The following RAB22A variants were observed in gnomAD, a reference collection of about 807,000 sequenced individuals.
RAB22A encodes RAB22A, member RAS oncogene family, also known as ras-related protein Rab-22A.
Under a neutral mutation model 30.2 loss-of-function variants are expected in RAB22A, and 13 were observed. The observed-to-expected ratio is 0.43, with a 90% CI of 0.28 to 0.68. The LOEUF (loss-of-function observed/expected upper bound fraction) is 0.68. Ranked by LOEUF, RAB22A falls within the 30% of genes least tolerant of loss-of-function variation. The probability of loss-of-function intolerance (pLI) is 0.18; values close to 1 mark genes in which losing one functional copy is unlikely to be tolerated. For synonymous variants in RAB22A, 89 were observed against 87.2 expected (o/e 1.02, Z -0.11); for missense variants, 177 against 246.8 (o/e 0.72, Z 1.89).
rs1439086380 is a variant in RAB22A at position 58,362,922 on chromosome 20, T to C, written c.*3219T>C. 1 of 152,224 alleles carries C rather than the reference T, an allele frequency of 6.6e-6. No homozygotes were observed. Among genetic ancestry groups the C allele is most frequent in the Non-Finnish European group, 1.5e-5 (1 of 68,042 alleles). 9.4% of individuals were successfully genotyped at this position (152,224 alleles called of 1,614,324 possible). A position where few individuals can be genotyped will look rare whatever the true frequency, so the allele number is the denominator to read the frequency against. The stretch of plus-strand genomic sequence containing the variant: ...CTGGTGTCCTTCTTGAAGTTGTCAA[T>C]TCCTCTTATTCTTAAATATCTAAAG... On this transcript the variant is annotated 3_prime_UTR_variant, in exon 7 of 7. Coordinates refer to ENST00000244040, the MANE Select transcript of RAB22A (RefSeq NM_020673.3).
At chr20:58,329,056 C>CTTT (rs34919452) in intron 2 of RAB22A, among the ~76,000 whole-genome samples, 1,886 of 139,798 alleles carry the variant, frequency 0.013, 26 homozygotes, top group Non-Finnish European at 0.02. Context: ...TGCATATTCC[C>CTTT]TTTTTTTTTT....
At chr20:58,316,920 C>A (rs374106926) in intron 2 of RAB22A, among the ~76,000 whole-genome samples, 12 of 152,296 alleles carry the variant, frequency 7.9e-5, no homozygotes, top group African/African-American at 2.6e-4. Flanking sequence ...CTCCCCTCAG[C>A]CAGTGGTAAG....
intron 2 of RAB22A, among the ~76,000 whole-genome samples, chr20:58,316,640 G>A (rs956852224): frequency 1.3e-5 from 2 of 152,150 alleles, no homozygotes; most frequent in African/African-American, 2.4e-5. Flanking sequence ...CTCCCTGCAC[G>A]TGGGTGAGTC....
At position 58,318,415 on chromosome 20, in the gene RAB22A, A is replaced by G. The variant is rs73616260; in HGVS notation, c.116+7293A>G. ...TATCCCAAATACAAAATGCTCCAAA[A>G]TCTAAAACTTTTTGAGCAACAGTAT... On this transcript the variant is annotated intron_variant, in intron 2 of 6. Coordinates refer to ENST00000244040, the MANE Select transcript of RAB22A (RefSeq NM_020673.3). Among the ~76,000 whole-genome samples, 116 of 152,276 alleles carry G rather than the reference A, an allele frequency of 7.6e-4. 1 individual carries two copies. The East Asian group carries it at 0.021, about 28-fold the overall frequency.
intron 3 of RAB22A, among the ~76,000 whole-genome samples, chr20:58,350,920 A>G (rs1212927345): frequency 6.6e-6 from 1 of 152,254 alleles, no homozygotes; most frequent in Non-Finnish European, 1.5e-5. Flanking sequence ...AGTTTATAGC[A>G]TATATAGATT....
intron 2 of RAB22A, among the ~76,000 whole-genome samples, chr20:58,316,131 G>A (rs1458379826): frequency 6.6e-6 from 1 of 152,104 alleles, no homozygotes; most frequent in Non-Finnish European, 1.5e-5. Flanking sequence ...TCAGGTACAT[G>A]TTAGTGGCTC....
At chr20:58,346,734 G>A (rs909409453) in intron 3 of RAB22A, among the ~76,000 whole-genome samples, 1 of 152,222 alleles carries the variant, frequency 6.6e-6, no homozygotes, top group Non-Finnish European at 1.5e-5. Flanking sequence ...GTTCACTGCT[G>A]TACTCCCAGG....
At chr20:58,342,749 T>C (rs1986877111) in intron 2 of RAB22A, among the ~76,000 whole-genome samples, 1 of 151,908 alleles carries the variant, frequency 6.6e-6, no homozygotes, top group Admixed American at 6.6e-5. Flanking sequence ...CTGGCCAGAC[T>C]GGGATGCTTT....
intron 3 of RAB22A, among the ~76,000 whole-genome samples, chr20:58,346,770 C>G (rs1986957066): frequency 6.6e-6 from 1 of 152,236 alleles, no homozygotes; most frequent in Non-Finnish European, 1.5e-5. Flanking sequence ...TGACCTAGAG[C>G]TGATGTTCAG....
intron 2 of RAB22A, among the ~76,000 whole-genome samples, chr20:58,336,163 C>T (rs374743382): frequency 1.3e-5 from 2 of 152,072 alleles, no homozygotes; most frequent in Non-Finnish European, 2.9e-5. Flanking sequence ...GCGCCCACCA[C>T]GACGCCCAGC....
intron 3 of RAB22A, chr20:58,346,021 C>T (rs1986939212): frequency 6.6e-6 from 1 of 152,378 alleles, no homozygotes; most frequent in Admixed American, 6.5e-5. Flanking sequence ...GCTCTAGACC[C>T]ATATCTGGAG....
At chr20:58,343,483 G>A (rs905242094) in intron 2 of RAB22A, among the ~76,000 whole-genome samples, 20 of 152,038 alleles carry the variant, frequency 1.3e-4, no homozygotes, top group African/African-American at 4.8e-4. Flanking sequence ...CTTTTGATAA[G>A]GAGCTTAGAA....
intron 3 of RAB22A, among the ~76,000 whole-genome samples, chr20:58,347,512 C>A (rs570481661): frequency 6.6e-6 from 1 of 152,250 alleles, no homozygotes; most frequent in African/African-American, 2.4e-5. Flanking sequence ...TATGATAAGA[C>A]TATGAAAGTC....
rs151070565 is a variant in RAB22A at position 58,356,501 on chromosome 20, C to T, written c.487+2236C>T. Among the ~76,000 whole-genome samples, 460 of 152,278 alleles carry T rather than the reference C, an allele frequency of 3.0e-3. 1 individual carries two copies. Among genetic ancestry groups the T allele is most frequent in the African/African-American group, 0.01 (428 of 41,564 alleles). ...TAGTAAAACTGCGTGAGCACAGTGC[C>T]TGGCACACTGACTTTGTATTGAAGT... is the stretch of plus-strand genomic sequence containing the variant. On this transcript the variant is annotated intron_variant, in intron 6 of 6. Coordinates refer to ENST00000244040, the MANE Select transcript of RAB22A (RefSeq NM_020673.3).
intron 3 of RAB22A, among the ~76,000 whole-genome samples, chr20:58,351,898 A>C (rs558615542): frequency 6.6e-6 from 1 of 152,386 alleles, no homozygotes; most frequent in South Asian, 2.1e-4. Context: ...TAAAAGGCAA[A>C]GGTTGTCAAA....
In RAB22A at chr20:58,362,779, T is replaced by C. The variant is rs1987247820; in HGVS notation, c.*3076T>C. On this transcript the variant is annotated 3_prime_UTR_variant, in exon 7 of 7. Coordinates refer to ENST00000244040, the MANE Select transcript of RAB22A (RefSeq NM_020673.3). ...GTTCTTTTCAAAGTAACTTATTTTC[T>C]TGTGACCCGTTTATGATGTTGTTTG... The C allele has an allele frequency of 6.6e-6, 1 of 152,246 alleles. No individual in the cohort carries two copies. The highest frequency in any genetic ancestry group is 2.4e-5 in the African/African-American group (1 of 41,470). 9.4% of individuals were successfully genotyped at this position (152,246 alleles called of 1,614,324 possible).
intron 2 of RAB22A, among the ~76,000 whole-genome samples, chr20:58,313,255 CAGG>C (rs1986267254): frequency 6.6e-6 from 1 of 152,190 alleles, no homozygotes; most frequent in Non-Finnish European, 1.5e-5. Flanking sequence ...CTCTCTGCAC[CAGG>C]AGATTTGGCT....
At chr20:58,314,908 C>T (rs558419093) in intron 2 of RAB22A, among the ~76,000 whole-genome samples, 5 of 151,486 alleles carry the variant, frequency 3.3e-5, no homozygotes, top group South Asian at 2.1e-4. Context: ...TGGTGAGGGA[C>T]GGTGGGTAGA....
chr20:58,355,032 A>G (rs1218782893), intron 6 of RAB22A, among the ~76,000 whole-genome samples: 1 of 152,232 alleles, frequency 6.6e-6, no homozygotes, highest in African/African-American at 2.4e-5. Flanking sequence ...GTGCTATCAG[A>G]GCTGAGGTCC....
Sources: gnomAD v4.1 joint callset for allele counts (sites outside exome capture counted in the v4.1 genomes callset) on GRCh38, gnomAD v4.1.1 for gene constraint, MANE v1.5 for transcripts, NCBI Gene and HGNC (gene_info 2026-07-23, HGNC 2026-07-21) for gene names.